Variants in DLGAP1 observed in about 807,000 individuals in gnomAD.
The protein encoded by DLGAP1 is disks large-associated protein 1.
In DLGAP1, 11 loss-of-function variants were observed where a neutral mutation model predicts 90.8. The ratio of observed to expected loss-of-function variants is 0.12; its 90% CI spans 0.08 to 0.20. The LOEUF is 0.20. Ranked by LOEUF, DLGAP1 falls within the 10% of genes least tolerant of loss-of-function variation. DLGAP1 has a pLI of 1.00. For missense variants in DLGAP1, 1,050 were observed against 1,333.8 expected (o/e 0.79, Z 3.31); for synonymous variants, 558 against 540.7 (o/e 1.03, Z -0.44).
intron 2 of DLGAP1, among the ~76,000 whole-genome samples, chr18:4,079,326 C>T (rs2075570393): frequency 7.9e-6 from 1 of 126,318 alleles, no homozygotes; most frequent in African/African-American, 3.0e-5. Flanking sequence ...CACACACACA[C>T]ACACACACAC....
intron 1 of DLGAP1, among the ~76,000 whole-genome samples, chr18:4,239,325 G>T (rs1257602772): frequency 4.6e-5 from 7 of 152,042 alleles, no homozygotes; most frequent in Non-Finnish European, 5.9e-5. Context: ...AAAAAAATTA[G>T]TTTTTTTCAT....
At chr18:4,384,932 C>G (rs2082199716) in intron 1 of DLGAP1, among the ~76,000 whole-genome samples, 1 of 152,082 alleles carries the variant, frequency 6.6e-6, no homozygotes, top group African/African-American at 2.4e-5. Context: ...TTTTCCAACC[C>G]CTGCTCCTTT....
chr18:3,858,516 G>GTA (rs750830693), intron 4 of DLGAP1, among the ~76,000 whole-genome samples: 29 of 142,782 alleles, frequency 2.0e-4, no homozygotes, highest in Non-Finnish European at 2.7e-4. Flanking sequence ...ATATATACAC[G>GTA]TATATATATA....
At chr18:4,362,062 C>T (rs1025629816) in intron 1 of DLGAP1, among the ~76,000 whole-genome samples, 3 of 152,054 alleles carry the variant, frequency 2.0e-5, no homozygotes, top group Non-Finnish European at 4.4e-5. Context: ...GGGATGGCTA[C>T]TATAAAATAA....
At chr18:3,523,837 G>C (rs925351776) in intron 10 of DLGAP1, among the ~76,000 whole-genome samples, 9 of 139,088 alleles carry the variant, frequency 6.5e-5, no homozygotes, top group Admixed American at 2.2e-4. Flanking sequence ...GACAGAGCAA[G>C]ACTCTGTCTC....
intron 7 of DLGAP1, among the ~76,000 whole-genome samples, chr18:3,617,631 G>A (rs1392487279): frequency 6.7e-6 from 1 of 150,286 alleles, no homozygotes; most frequent in Non-Finnish European, 1.5e-5. Flanking sequence ...CTGACACAGA[G>A]ACATGAAGTG....
At chr18:3,944,512 A>AT (rs1555712561) in intron 3 of DLGAP1, among the ~76,000 whole-genome samples, 2 of 151,956 alleles carry the variant, frequency 1.3e-5, no homozygotes, top group South Asian at 2.1e-4. Context: ...AAAAAAAAAA[A>AT]GTGCAAGGTG....
intron 2 of DLGAP1, among the ~76,000 whole-genome samples, chr18:4,073,010 G>C (rs930157804): frequency 2.0e-5 from 3 of 152,180 alleles, no homozygotes; most frequent in African/African-American, 7.2e-5. Flanking sequence ...ATTACAAACA[G>C]TGTGACTGCA....
intron 5 of DLGAP1, among the ~76,000 whole-genome samples, chr18:3,755,217 G>C (rs2063671820): frequency 6.6e-6 from 1 of 151,876 alleles, no homozygotes. Context: ...CAATAATGGA[G>C]GAACAGAGGC....
intron 1 of DLGAP1, among the ~76,000 whole-genome samples, chr18:4,362,586 T>C (rs996827679): frequency 1.3e-5 from 2 of 151,906 alleles, no homozygotes; most frequent in Non-Finnish European, 2.9e-5. Flanking sequence ...ATGTGGGAAA[T>C]GGAAAGTTAC....
At chr18:4,349,290 C>A (rs1404138018) in intron 1 of DLGAP1, among the ~76,000 whole-genome samples, 5 of 152,066 alleles carry the variant, frequency 3.3e-5, no homozygotes, top group African/African-American at 1.2e-4. Context: ...AGGACATTCT[C>A]CAAAACGACT....
chr18:4,260,994 T>C (rs965674676), intron 1 of DLGAP1, among the ~76,000 whole-genome samples: 6 of 151,996 alleles, frequency 3.9e-5, no homozygotes, highest in African/African-American at 1.5e-4. Context: ...CACGAACAAG[T>C]TGTGTTAATG....
Position 3,600,670 on chromosome 18 carries a change from C to CTA in DLGAP1, c.1592-18424_1592-18423dup, listed in dbSNP as rs1203530444. Among the ~76,000 whole-genome samples, 75 of 100,572 alleles carry CTA rather than the reference C, an allele frequency of 7.5e-4. 3 individuals carry two copies. The highest frequency in any genetic ancestry group is 1.4e-3 in the Non-Finnish European group (67 of 47,598). 66.0% of individuals were successfully genotyped at this position (100,572 alleles called of 152,430 possible). ...TGGAGATATAGATATCTATAGAGATCTATAGATATCTATAGAGATCTATAT... is the reference window on the plus strand; with the variant it reads ...TGGAGATATAGATATCTATAGAGATCTATATAGATATCTATAGAGATCTATAT... On this transcript the variant is annotated intron_variant, in intron 7 of 12. Transcript: ENST00000315677.
intron 7 of DLGAP1, among the ~76,000 whole-genome samples, chr18:3,682,128 A>AT (rs2060537743): frequency 8.8e-6 from 1 of 114,236 alleles, no homozygotes; most frequent in Non-Finnish European, 1.7e-5. Context: ...AAAAAAAAAA[A>AT]AATAAAAAAA....
chr18:3,880,983 GA>G lies in DLGAP1; in HGVS notation c.-72-844del, dbSNP rs2071151008. Among the ~76,000 whole-genome samples, 3 of 147,048 alleles carry G rather than the reference GA, an allele frequency of 2.0e-5. No homozygotes were observed. The South Asian group carries it at 6.5e-4, about 32-fold the overall frequency. On this transcript the variant is annotated intron_variant, in intron 3 of 12. Transcript: ENST00000315677. ...AAAAAAAAAAGAAAAAGAAAACTAGGAAAAGAAAACTATATTTAAAAAAAAA... is the reference window on the plus strand; with the variant it reads ...AAAAAAAAAAGAAAAAGAAAACTAGGAAAGAAAACTATATTTAAAAAAAAA...
At chr18:4,289,518 G>C (rs1232810537) in intron 1 of DLGAP1, among the ~76,000 whole-genome samples, 2 of 152,174 alleles carry the variant, frequency 1.3e-5, no homozygotes, top group East Asian at 3.8e-4. Context: ...CAACATCCAT[G>C]TGAATACCCA....
intron 2 of DLGAP1, among the ~76,000 whole-genome samples, chr18:4,063,877 CATATT>C (rs1568376529): frequency 2.4e-4 from 36 of 152,138 alleles, no homozygotes; most frequent in African/African-American, 7.9e-4. Flanking sequence ...CCCATGTATG[CATATT>C]AAATAAATTT....
intron 1 of DLGAP1, among the ~76,000 whole-genome samples, chr18:4,183,066 C>T (rs2077234549): frequency 6.6e-6 from 1 of 151,978 alleles, no homozygotes; most frequent in South Asian, 2.1e-4. Context: ...ACATGAGCTA[C>T]CAAAACAGAC....
At chr18:3,772,341 TCTCTCTC>T (rs2064654767) in intron 5 of DLGAP1, among the ~76,000 whole-genome samples, 1 of 58,252 alleles carries the variant, frequency 1.7e-5, no homozygotes, top group Non-Finnish European at 3.5e-5. Flanking sequence ...CTTCTCTCTC[TCTCTCTC>T]TTTCTTTCTT....
Sources: gnomAD v4.1 joint callset for allele counts (sites outside exome capture counted in the v4.1 genomes callset) on GRCh38, gnomAD v4.1.1 for gene constraint, MANE v1.5 for transcripts, NCBI Gene and HGNC (gene_info 2026-07-23, HGNC 2026-07-21) for gene names.